The following RIC1 variants were observed in gnomAD, a reference collection of about 807,000 sequenced individuals.
RIC1 encodes the protein RIC1 partner of RAB6A GEF complex.
A neutral mutation model predicts 169.0 loss-of-function variants in RIC1; 88 were observed. That is an observed-to-expected ratio of 0.52 (90% CI 0.44 to 0.62). The LOEUF is 0.62. Ranked by LOEUF, RIC1 falls within the 20% of genes least tolerant of loss-of-function variation. The pLI is 0.00. For missense variants in RIC1, 1,877 were observed against 1,725.5 expected (o/e 1.09, Z -1.56); for synonymous variants, 790 against 601.5 (o/e 1.31, Z -4.59).
chr9:5,669,718 A>G (rs1368649100), intron 2 of RIC1, among the ~76,000 whole-genome samples: 4 of 152,310 alleles, frequency 2.6e-5, no homozygotes, highest in Admixed American at 6.5e-5. Flanking sequence ...TGCAGTGGCA[A>G]AGAGAGATTG....
intron 6 of RIC1, among the ~76,000 whole-genome samples, chr9:5,728,602 A>C (rs1349368125): frequency 1.3e-5 from 2 of 152,044 alleles, no homozygotes; most frequent in African/African-American, 4.8e-5. Flanking sequence ...TGCAGAAATC[A>C]CCCATCCTCT....
intron 1 of RIC1, among the ~76,000 whole-genome samples, chr9:5,647,974 A>ATGGTGG (rs775917627): frequency 9.1e-5 from 9 of 99,220 alleles, no homozygotes; most frequent in African/African-American, 1.3e-4. Context: ...GGTGGTGGTG[A>ATGGTGG]TGGTGGTGGT....
chr9:5,732,393 T>C lies in RIC1; in HGVS notation c.726T>C (p.Leu242=). 1 of 1,608,176 alleles carries C rather than the reference T, an allele frequency of 6.2e-7. No individual in the cohort carries two copies. The highest frequency in any genetic ancestry group is 8.5e-7 in the Non-Finnish European group (1 of 1,177,318). The change falls in exon 7 of 26, where the codon CTT becomes CTC. Residue 242 remains leucine (L), a synonymous_variant. Transcript: ENST00000414202. ...PVSSRFTAEQ[L]HGVWPQDVVD... is the part of the protein sequence containing the mutation. ...ACTATTTTTCTTTATTATAGCAGCT[T>C]CATGGAGTTTGGCCACAAGATGTTG...
At chr9:5,669,218 G>C (rs1819953641) in intron 2 of RIC1, among the ~76,000 whole-genome samples, 1 of 152,060 alleles carries the variant, frequency 6.6e-6, no homozygotes, top group African/African-American at 2.4e-5. Flanking sequence ...GGGAGATTTT[G>C]GTGCACCCAT....
chr9:5,722,173 C>T (rs976701717), intron 6 of RIC1, among the ~76,000 whole-genome samples: 1 of 151,772 alleles, frequency 6.6e-6, no homozygotes, highest in African/African-American at 2.4e-5. Flanking sequence ...CAGGCGTCAG[C>T]CATGGTGCCC....
chr9:5,676,086 T>C (rs1820423964), intron 2 of RIC1, among the ~76,000 whole-genome samples: 1 of 152,162 alleles, frequency 6.6e-6, no homozygotes, highest in South Asian at 2.1e-4. Context: ...TAAACCACCT[T>C]TGTAAAGCTA....
intron 1 of RIC1, among the ~76,000 whole-genome samples, chr9:5,639,173 T>C (rs1265632580): frequency 1.3e-5 from 2 of 152,194 alleles, no homozygotes; most frequent in Non-Finnish European, 2.9e-5. Context: ...CCCAAAGTGC[T>C]AGGATTCAGG....
At chr9:5,636,734 T>C (rs572791741) in intron 1 of RIC1, among the ~76,000 whole-genome samples, 2 of 152,296 alleles carry the variant, frequency 1.3e-5, no homozygotes, top group African/African-American at 4.8e-5. Flanking sequence ...TAGTTCTAAA[T>C]TTTTTGGTGG....
rs1821498153 is a variant in RIC1 at position 5,689,965 on chromosome 9, A to G, written c.259A>G (p.Asn87Asp). 1.3e-6 allele frequency: 2 copies of G among 1,596,436 alleles called. No individual in the cohort carries two copies. Among genetic ancestry groups the G allele is most frequent in the Non-Finnish European group, 1.7e-6 (2 of 1,170,164 alleles). Residue 87 changes from asparagine (N) to aspartate (D), a missense_variant, in exon 3 of 26, where the codon AAT becomes GAT. Physicochemically the swap from Asn to Asp is conservative, Grantham distance 23. Transcript: ENST00000414202. ...AATAAAATTTCTCTTTCAGACGGCAAATGGATACATCTTGTTTTTTCATAT... is the reference window on the plus strand; with the variant it reads ...AATAAAATTTCTCTTTCAGACGGCAGATGGATACATCTTGTTTTTTCATAT... ...DSTMIAVSTA[N>D]GYILFFHITS...
At chr9:5,632,300 G>C (rs562571654) in intron 1 of RIC1, among the ~76,000 whole-genome samples, 1 of 152,204 alleles carries the variant, frequency 6.6e-6, no homozygotes, top group Non-Finnish European at 1.5e-5. Flanking sequence ...TGTGGAAATT[G>C]TATGTGTACA....
At chr9:5,723,583 T>G (rs896437270) in intron 6 of RIC1, among the ~76,000 whole-genome samples, 3 of 152,252 alleles carry the variant, frequency 2.0e-5, no homozygotes, top group African/African-American at 7.2e-5. Context: ...TTTGTCAATT[T>G]TGGCTTTTGT....
chr9:5,754,213 C>T (rs1389055557), intron 14 of RIC1, among the ~76,000 whole-genome samples: 1 of 152,196 alleles, frequency 6.6e-6, no homozygotes, highest in East Asian at 1.9e-4. Context: ...CACACACACA[C>T]ACAAACTAGG....
chr9:5,679,769 A>C (rs1820700093), intron 2 of RIC1, among the ~76,000 whole-genome samples: 3 of 152,218 alleles, frequency 2.0e-5, no homozygotes, highest in Admixed American at 2.0e-4. Context: ...CTAGATATAC[A>C]ATCATGTCAT....
intron 1 of RIC1, among the ~76,000 whole-genome samples, chr9:5,645,769 A>G (rs554430669): frequency 6.6e-6 from 1 of 152,324 alleles, no homozygotes; most frequent in African/African-American, 2.4e-5. Context: ...TTGTATATGT[A>G]CATACTGCAT....
chr9:5,657,574 A>C (rs953672113), intron 2 of RIC1, among the ~76,000 whole-genome samples: 5 of 152,122 alleles, frequency 3.3e-5, no homozygotes, highest in African/African-American at 1.2e-4. Flanking sequence ...TAGAGAGATA[A>C]GGTATAAACT....
intron 2 of RIC1, among the ~76,000 whole-genome samples, chr9:5,673,169 G>C (rs1820211958): frequency 6.6e-6 from 1 of 151,906 alleles, no homozygotes; most frequent in African/African-American, 2.4e-5. Context: ...GCAATGCTTA[G>C]GGACAATTAT....
chr9:5,629,136 T>G lies in RIC1; in HGVS notation c.-174T>G. The G allele has an allele frequency of 2.1e-6, 1 of 481,568 alleles. No individual in the cohort carries two copies. 29.8% of individuals were successfully genotyped at this position (481,568 alleles called of 1,614,324 possible). A position where few individuals can be genotyped will look rare whatever the true frequency, so the allele number is the denominator to read the frequency against. ...TCGGCCCCGTCAGCTTGGGGGTGCC[T>G]TCGTCGCGCAGCCTTGCGTCGGCCC... On this transcript the variant is annotated 5_prime_UTR_variant, in exon 1 of 26. Transcript: ENST00000414202.
intron 11 of RIC1, among the ~76,000 whole-genome samples, chr9:5,747,093 A>G (rs1825421283): frequency 6.6e-6 from 1 of 152,226 alleles, no homozygotes; most frequent in African/African-American, 2.4e-5. Context: ...CTGAAATCTC[A>G]TAGTCACTAA....
chr9:5,635,776 A>G (rs1362364139), intron 1 of RIC1, among the ~76,000 whole-genome samples: 1 of 152,114 alleles, frequency 6.6e-6, no homozygotes. Context: ...TGATGGTTTT[A>G]TAAGTGTTTG....
Sources: allele counts gnomAD v4.1 joint callset (sites outside exome capture counted in the v4.1 genomes callset), GRCh38; gene constraint gnomAD v4.1.1; transcripts MANE v1.5; gene names NCBI Gene and HGNC (gene_info 2026-07-23, HGNC 2026-07-21).